The following RAB33A variants were observed in gnomAD, a reference collection of about 807,000 sequenced individuals.
RAB33A encodes the protein ras-related protein Rab-33A.
Under a neutral mutation model 12.0 loss-of-function variants are expected in RAB33A, and 6 were observed. The observed-to-expected ratio is 0.50, with a 90% CI of 0.27 to 0.99. RAB33A has a LOEUF of 0.99. Among genes scored for constraint, RAB33A ranks in the 50% least tolerant of loss-of-function variants. RAB33A has a pLI of 0.11. For missense variants in RAB33A, 109 were observed against 192.0 expected, an observed-to-expected ratio of 0.57 and a Z score of 2.55; for synonymous variants, 70 against 82.4, an observed-to-expected ratio of 0.85 and a Z score of 0.81.
the RAB33A span, chrX:130,133,486 T>C: frequency 8.4e-7 from 1 of 1,189,982 alleles, no homozygotes; most frequent in Non-Finnish European, 1.1e-6. Flanking sequence ...CATGAACACA[T>C]GATAAAAAAA....
At position 130,176,831 on chromosome X, in the gene RAB33A, A is replaced by G. The variant is rs141223576; in HGVS notation, c.258+4511A>G. On this transcript the variant is annotated intron_variant, in intron 1 of 1. Coordinates refer to ENST00000257017, the MANE Select transcript of RAB33A (RefSeq NM_004794.3). The stretch of plus-strand genomic sequence containing the variant: ...AACAGGTTTCTTTTAAACTTTTCCC[A>G]TCATCCACTGGGGCATGCTCCAGAG... 6.8e-4 allele frequency among the ~76,000 whole-genome samples: 76 copies of G among 111,676 alleles called. 1 individual carries two copies. The highest frequency in any genetic ancestry group is 5.6e-3 in the East Asian group (20 of 3,543).
chrX:130,182,211 T>A (rs1344275454), intron 1 of RAB33A, among the ~76,000 whole-genome samples: 1 of 89,782 alleles, frequency 1.1e-5, no homozygotes, highest in Non-Finnish European at 2.1e-5. Flanking sequence ...ATACACACAA[T>A]ATATATAACA....
chrX:130,144,613 C>T, the RAB33A span, among the ~76,000 whole-genome samples: 2 of 111,632 alleles, frequency 1.8e-5, no homozygotes, highest in Admixed American at 1.9e-4. Context: ...TCTGTAAGAC[C>T]TTCTCCTCCA....
At chrX:130,131,951 C>T in the RAB33A span, 3 of 659,270 alleles carry the variant, frequency 4.6e-6, no homozygotes, top group South Asian at 5.0e-5. Context: ...CAGTTCATTG[C>T]AACCTCTCCC....
the RAB33A span, among the ~76,000 whole-genome samples, chrX:130,121,541 G>A: frequency 4.2e-3 from 466 of 112,069 alleles, 2 homozygotes; most frequent in African/African-American, 0.014. Context: ...TTCTGCTCCC[G>A]CCTCCCCTCT....
At chrX:130,111,844 C>T in the RAB33A span, among the ~76,000 whole-genome samples, 2 of 111,998 alleles carry the variant, frequency 1.8e-5, no homozygotes, top group African/African-American at 6.5e-5. Context: ...TCAATACCGC[C>T]GCCTACGTGG....
At chrX:130,147,342 T>C in the RAB33A span, 24 of 681,443 alleles carry the variant, frequency 3.5e-5, no homozygotes, top group Non-Finnish European at 5.3e-5. Flanking sequence ...TAGACTGTTA[T>C]CTCTAAGCTG....
the RAB33A span, among the ~76,000 whole-genome samples, chrX:130,115,729 G>A: frequency 9.1e-6 from 1 of 109,577 alleles, no homozygotes; most frequent in Admixed American, 9.7e-5. Context: ...AAGAAAGAAA[G>A]AAAGAAAAGG....
intron 1 of RAB33A, among the ~76,000 whole-genome samples, chrX:130,176,911 C>A (rs761680883): frequency 2.7e-3 from 308 of 112,365 alleles, no homozygotes; most frequent in Non-Finnish European, 5.3e-3. Context: ...CCATCGGCCT[C>A]CAACAAAAGC....
At chrX:130,119,728 G>C in the RAB33A span, among the ~76,000 whole-genome samples, 3 of 111,827 alleles carry the variant, frequency 2.7e-5, no homozygotes, top group African/African-American at 9.8e-5. Context: ...GAACGTTTAG[G>C]ATCCTTTGGA....
At chrX:130,171,707 GGA>G, upstream of RAB33A, 1 of 210,559 alleles carries the variant, frequency 4.7e-6, no homozygotes, top group Non-Finnish European at 8.6e-6. Flanking sequence ...GGCGGCGGCT[GGA>G]GCAGCGCGGT....
the RAB33A span, chrX:130,139,846 G>A: frequency 8.3e-7 from 1 of 1,210,942 alleles, no homozygotes; most frequent in Non-Finnish European, 1.1e-6. Flanking sequence ...CCCTATCAAT[G>A]GCAGACAGAC....
the RAB33A span, chrX:130,147,875 A>G: frequency 8.3e-7 from 1 of 1,211,481 alleles, no homozygotes; most frequent in East Asian, 3.0e-5. Flanking sequence ...CTCCTTCTGA[A>G]GCTGAAAGCA....
chrX:130,116,493 T>C, the RAB33A span, among the ~76,000 whole-genome samples: 1 of 111,177 alleles, frequency 9.0e-6, no homozygotes, highest in African/African-American at 3.3e-5. Context: ...AGGGTTTTAC[T>C]GTGTTGGCCA....
the RAB33A span, among the ~76,000 whole-genome samples, chrX:130,118,309 A>G: frequency 8.9e-6 from 1 of 112,320 alleles, no homozygotes; most frequent in Admixed American, 9.4e-5. Flanking sequence ...ATTGTCTATG[A>G]GGGGAACTCA....
the RAB33A span, among the ~76,000 whole-genome samples, chrX:130,138,983 T>TC: frequency 9.0e-6 from 1 of 111,098 alleles, no homozygotes; most frequent in Non-Finnish European, 1.9e-5. Flanking sequence ...AAGTAGGTGC[T>TC]CCCAGCATTT....
intron 1 of RAB33A, among the ~76,000 whole-genome samples, chrX:130,177,013 G>A (rs1312045139): frequency 1.8e-5 from 2 of 112,346 alleles, no homozygotes; most frequent in African/African-American, 6.5e-5. Context: ...CAGGGGGTTG[G>A]GGGCTTGCTG....
intron 1 of RAB33A, among the ~76,000 whole-genome samples, chrX:130,179,607 A>G (rs963412916): frequency 3.7e-5 from 4 of 108,150 alleles, no homozygotes; most frequent in Non-Finnish European, 7.7e-5. Context: ...AACACCACGG[A>G]GAGGTGGAAG....
the RAB33A span, among the ~76,000 whole-genome samples, chrX:130,119,391 C>G: frequency 6.2e-5 from 7 of 112,385 alleles, no homozygotes; most frequent in African/African-American, 1.9e-4. Context: ...AGATCCTCTC[C>G]TGGTCACCTA....
Sources: gnomAD v4.1 joint callset for allele counts (sites outside exome capture counted in the v4.1 genomes callset) on GRCh38, gnomAD v4.1.1 for gene constraint, MANE v1.5 for transcripts, NCBI Gene and HGNC (gene_info 2026-07-23, HGNC 2026-07-21) for gene names.